The following CD58 variants were observed in gnomAD, a reference collection of about 807,000 sequenced individuals.
CD58 encodes the protein CD58 molecule.
CD58 carries 14 observed loss-of-function variants against 27.6 expected under a neutral mutation model. The ratio of observed to expected loss-of-function variants is 0.51; its 90% confidence interval spans 0.34 to 0.79. The LOEUF (loss-of-function observed/expected upper bound fraction) is 0.79. Ranked by LOEUF, CD58 falls within the 30% of genes least tolerant of loss-of-function variation. The pLI, the probability that CD58 is intolerant of heterozygous loss-of-function variation, is 0.02. For synonymous variants in CD58, 117 were observed against 103.8 expected (o/e 1.13, Z -0.77); for missense variants, 268 against 301.7 (o/e 0.89, Z 0.83).
intron 2 of CD58, among the ~76,000 whole-genome samples, chr1:116,542,043 C>T (rs562884603): frequency 1.3e-5 from 2 of 152,290 alleles, no homozygotes; most frequent in South Asian, 4.1e-4. Flanking sequence ...CTTTGGGAGG[C>T]CAAGGCAGGT....
Position 116,550,254 on chromosome 1 carries a change from T to C in CD58, c.71-5650A>G, listed in dbSNP as rs1658347581. On this transcript the variant is annotated intron_variant, in intron 1 of 5. Coordinates refer to ENST00000369489, the MANE Select transcript of CD58 (RefSeq NM_001779.3). This position sits in a 1 kb window ranked among gnomAD's most constrained non-coding sequence, Gnocchi z 4.2. ...TTTCTCAGAGGCATCCAATGCTGTT[T>C]GATAGAATTTTACTCACAGTAAAAC... is the stretch of plus-strand genomic sequence containing the variant. Among the ~76,000 whole-genome samples, 1 of 152,228 alleles carries C rather than the reference T, an allele frequency of 6.6e-6. No individual in the cohort carries two copies. The highest frequency in any genetic ancestry group is 1.5e-5 in the Non-Finnish European group (1 of 68,044).
intron 2 of CD58, among the ~76,000 whole-genome samples, chr1:116,537,446 C>T (rs192347856): frequency 6.6e-6 from 1 of 152,264 alleles, no homozygotes; most frequent in East Asian, 1.9e-4. Flanking sequence ...GTCCATAATA[C>T]ATCTGACTCA....
chr1:116,569,925 A>G (rs1659083579), intron 1 of CD58, among the ~76,000 whole-genome samples: 1 of 152,104 alleles, frequency 6.6e-6, no homozygotes, highest in Non-Finnish European at 1.5e-5. Flanking sequence ...ACACTGACTT[A>G]TCTGATCGTG....
intron 1 of CD58, among the ~76,000 whole-genome samples, chr1:116,566,418 A>G (rs942746468): frequency 1.3e-5 from 2 of 152,194 alleles, no homozygotes; most frequent in African/African-American, 4.8e-5. Context: ...TAAAAACTCT[A>G]TTTCTTAACT....
chr1:116,564,730 G>A (rs1471144219), intron 1 of CD58, among the ~76,000 whole-genome samples: 2 of 152,192 alleles, frequency 1.3e-5, no homozygotes, highest in East Asian at 3.8e-4. Context: ...TCTCCACCTA[G>A]CCCTGCCCTT....
At position 116,570,017 on chromosome 1, in the gene CD58, G is replaced by A. The variant is rs1368241077; in HGVS notation, c.70+886C>T. The stretch of plus-strand genomic sequence containing the variant: ...CACGCGCACCTCCCGGGCAGGCAGC[G>A]GACGCTGAGCAAACGGACGGACGGG... On this transcript the variant is annotated intron_variant, in intron 1 of 5. Transcript: ENST00000369489. This position sits in a 1 kb window ranked among gnomAD's most constrained non-coding sequence, Gnocchi z 6.4. Among the ~76,000 whole-genome samples the A allele has an allele frequency of 6.6e-6, 1 of 152,212 alleles. No individual in the cohort carries two copies. Among genetic ancestry groups the A allele is most frequent in the African/African-American group, 2.4e-5 (1 of 41,464 alleles).
chr1:116,558,301 C>T (rs114434486), intron 1 of CD58, among the ~76,000 whole-genome samples: 2,308 of 152,228 alleles, frequency 0.015, 61 homozygotes, highest in African/African-American at 0.052. Context: ...ATAGCAGGGT[C>T]TTGGGGCATT....
Position 116,544,606 on chromosome 1 carries a change from T to A in CD58, c.71-2A>T, listed in dbSNP as rs1302353896. On this transcript the variant is annotated splice_acceptor_variant, in intron 1 of 5. Transcript: ENST00000369489. LOFTEE classifies it high-confidence loss of function. ...GTTGGGAAAAACAGCTGATGAAACC[T>A]AGGAGAGAAAAAAAAATTGGTTAGA... 1.3e-6 allele frequency: 2 copies of A among 1,553,344 alleles called. No homozygotes were observed. The highest frequency in any genetic ancestry group is 2.2e-5 in the Admixed American group (1 of 46,176).
chr1:116,547,532 T>C (rs576897735), intron 1 of CD58, among the ~76,000 whole-genome samples: 76 of 152,116 alleles, frequency 5.0e-4, no homozygotes, highest in South Asian at 3.7e-3. Flanking sequence ...GGTTTCACCA[T>C]GTTAGCCAGG....
In CD58 at chr1:116,517,221, C is replaced by A. The variant is rs1164612735; in HGVS notation, c.743+2010G>T. Among the ~76,000 whole-genome samples, 1 of 152,114 alleles carries A rather than the reference C, an allele frequency of 6.6e-6. No individual in the cohort carries two copies. Among genetic ancestry groups the A allele is most frequent in the Non-Finnish European group, 1.5e-5 (1 of 68,012 alleles). On this transcript the variant is annotated intron_variant, in intron 5 of 5. Coordinates refer to ENST00000369489, the MANE Select transcript of CD58 (RefSeq NM_001779.3). The surrounding 1 kb of genome is among the most constrained non-coding windows in gnomAD (Gnocchi z 6.5). ...CGCATATTGCTCAGATCTGAAATGC[C>A]TTCCTCTGACCACAAGCCTGGAGGT...
In CD58 at chr1:116,517,824, G is replaced by A. The variant is rs922655386; in HGVS notation, c.743+1407C>T. Among the ~76,000 whole-genome samples, 1 of 152,100 alleles carries A rather than the reference G, an allele frequency of 6.6e-6. No homozygotes were observed. Among genetic ancestry groups the A allele is most frequent in the Non-Finnish European group, 1.5e-5 (1 of 68,034 alleles). The stretch of plus-strand genomic sequence containing the variant: ...AGCCCACGCTCCAATTCTGTGCATG[G>A]ACATCACTAGCCAGGTAATACACCA... On this transcript the variant is annotated intron_variant, in intron 5 of 5. Coordinates refer to ENST00000369489, the MANE Select transcript of CD58 (RefSeq NM_001779.3). The surrounding 1 kb of genome is among the most constrained non-coding windows in gnomAD (Gnocchi z 6.5).
chr1:116,515,981 G>T lies in CD58; in HGVS notation c.744-1159C>A, dbSNP rs1657072897. On this transcript the variant is annotated intron_variant, in intron 5 of 5. Coordinates refer to ENST00000369489, the MANE Select transcript of CD58 (RefSeq NM_001779.3). The surrounding 1 kb of genome is among the most constrained non-coding windows in gnomAD (Gnocchi z 4.6). ...ATTGCATTTGTTCCTACTTATGCTT[G>T]CCCCTTTCTCATCTCCTCCCCCGAT... 6.6e-6 allele frequency among the ~76,000 whole-genome samples: 1 copy of T among 151,894 alleles called. No homozygotes were observed. Among genetic ancestry groups the T allele is most frequent in the South Asian group, 2.1e-4 (1 of 4,790 alleles).
At chr1:116,544,939 G>A (rs1571076500) in intron 1 of CD58, among the ~76,000 whole-genome samples, 2 of 152,190 alleles carry the variant, frequency 1.3e-5, no homozygotes, top group Admixed American at 6.5e-5. Context: ...GAGCTGCCTG[G>A]TCTAGGGCCT....
intron 3 of CD58, chr1:116,533,844 C>T: frequency 2.4e-6 from 2 of 830,790 alleles, no homozygotes; most frequent in East Asian, 2.5e-5. Context: ...CTTCATAGAA[C>T]TTGGCTTCTA....
chr1:116,517,286 C>A lies in CD58; in HGVS notation c.743+1945G>T, dbSNP rs1571054283. 6.6e-6 allele frequency among the ~76,000 whole-genome samples: 1 copy of A among 152,162 alleles called. No individual in the cohort carries two copies. The highest frequency in any genetic ancestry group is 1.5e-5 in the Non-Finnish European group (1 of 68,018). ...CCTCACCTCATCTCCAGCTACTTGG[C>A]TCCTCTCTGCCCAGCCTCCTGGCCC... On this transcript the variant is annotated intron_variant, in intron 5 of 5. Transcript: ENST00000369489. This position sits in a 1 kb window ranked among gnomAD's most constrained non-coding sequence, Gnocchi z 6.5.
chr1:116,550,850 G>C lies in CD58; in HGVS notation c.71-6246C>G, dbSNP rs1658365223. On this transcript the variant is annotated intron_variant, in intron 1 of 5. Transcript: ENST00000369489. The surrounding 1 kb of genome is among the most constrained non-coding windows in gnomAD (Gnocchi z 4.2). ...TCCTTGATCCATGGGCTGCAGAATG[G>C]ATGTTGTATTAGCAAGCATGAAAAC... is the stretch of plus-strand genomic sequence containing the variant. Among the ~76,000 whole-genome samples, 1 of 152,116 alleles carries C rather than the reference G, an allele frequency of 6.6e-6. No homozygotes were observed. Among genetic ancestry groups the C allele is most frequent in the African/African-American group, 2.4e-5 (1 of 41,420 alleles).
intron 1 of CD58, among the ~76,000 whole-genome samples, chr1:116,547,037 G>A (rs912502305): frequency 1.0e-4 from 15 of 150,058 alleles, no homozygotes; most frequent in Non-Finnish European, 1.8e-4. Flanking sequence ...AGTTTTGGGG[G>A]AACAGGTGAT....
chr1:116,569,310 C>A (rs987320135), intron 1 of CD58, among the ~76,000 whole-genome samples: 3 of 152,228 alleles, frequency 2.0e-5, no homozygotes, highest in Non-Finnish European at 4.4e-5. Flanking sequence ...CTCCCTGCCT[C>A]CAATTCCTCC....
chr1:116,550,330 A>G lies in CD58; in HGVS notation c.71-5726T>C, dbSNP rs1167217617. Among the ~76,000 whole-genome samples the G allele has an allele frequency of 6.6e-6, 1 of 152,220 alleles. No individual in the cohort carries two copies. Among genetic ancestry groups the G allele is most frequent in the East Asian group, 1.9e-4 (1 of 5,204 alleles). ...CTCAAATCCTGCTGCTGCTTTATCA[A>G]CTAAATTTATGTAATACTCTTAACC... On this transcript the variant is annotated intron_variant, in intron 1 of 5. Coordinates refer to ENST00000369489, the MANE Select transcript of CD58 (RefSeq NM_001779.3). This position sits in a 1 kb window ranked among gnomAD's most constrained non-coding sequence, Gnocchi z 4.2.
Sources: gnomAD v4.1 joint callset for allele counts (sites outside exome capture counted in the v4.1 genomes callset) on GRCh38, gnomAD v4.1.1 for gene constraint, Gnocchi (gnomAD v3.1) non-coding constraint, MANE v1.5 for transcripts, NCBI Gene and HGNC (gene_info 2026-07-23, HGNC 2026-07-21) for gene names.